FAM135A: variants seen among roughly 807,000 people sequenced by gnomAD.
FAM135A encodes family with sequence similarity 135 member A, also known as protein FAM135A.
Under a neutral mutation model 146.8 loss-of-function variants are expected in FAM135A, and 79 were observed. The observed-to-expected ratio is 0.54, with a 90% confidence interval of 0.45 to 0.65. The LOEUF is 0.65. Among genes scored for constraint, FAM135A ranks in the 30% least tolerant of loss-of-function variants. The probability of loss-of-function intolerance (pLI) is 0.00; values close to 1 mark genes in which losing one functional copy is unlikely to be tolerated. For synonymous variants in FAM135A, 562 were observed against 603.6 expected, an observed-to-expected ratio of 0.93 and a Z score of 1.01; for missense variants, 1,623 against 1,758.2, an observed-to-expected ratio of 0.92 and a Z score of 1.38.
At chr6:70,452,749 CCTT>C (rs1164431594) in intron 5 of FAM135A, among the ~76,000 whole-genome samples, 178 bp downstream of exon 5, 1 of 152,072 alleles carries the variant, frequency 6.6e-6, no homozygotes, top group African/African-American at 2.4e-5. Flanking sequence ...TACTCTGTCT[CCTT>C]CTTAGATTTC....
intron 8 of FAM135A, 107 bp from the exon 9 acceptor site, chr6:70,480,794 T>G (rs1269150098): frequency 1.9e-6 from 2 of 1,072,038 alleles, no homozygotes; most frequent in East Asian, 5.7e-5. Context: ...CTTATAAACT[T>G]GCAAAACCCT....
At chr6:70,463,931 A>G (rs574830417) in intron 5 of FAM135A, among the ~76,000 whole-genome samples, 1 of 152,282 alleles carries the variant, frequency 6.6e-6, no homozygotes, top group South Asian at 2.1e-4. Flanking sequence ...TTAGATTGCT[A>G]TTTGCTTTGG....
At position 70,524,927 on chromosome 6, in the gene FAM135A, T is replaced by G. The variant is rs771818846; in HGVS notation, c.1843T>G (p.Ser615Ala). 1 of 1,611,676 alleles carries G rather than the reference T, an allele frequency of 6.2e-7. No homozygotes were observed. The highest frequency in any genetic ancestry group is 8.5e-7 in the Non-Finnish European group (1 of 1,179,230). The change falls in exon 15 of 22, where the codon TCA becomes GCA. Residue 615 changes from serine to alanine, a missense_variant. This residue lies in a region of FAM135A where 1,061 missense variants were observed against 1,113.8 expected (regional missense o/e 0.95). Transcript: ENST00000418814. Reference sequence around the variant, plus strand: ...AAATCTTTGTGCAAATTTGTCCATTTCAGGTAAACTTGATATCTCCCAGGA... The same window carrying G: ...AAATCTTTGTGCAAATTTGTCCATTGCAGGTAAACTTGATATCTCCCAGGA... ...NLNLCANLSI[S>A]GKLDISQDDS... is the part of the protein sequence containing the mutation.
intron 2 of FAM135A, among the ~76,000 whole-genome samples, chr6:70,416,685 G>A (rs1365072083): frequency 6.6e-6 from 1 of 152,166 alleles, no homozygotes; most frequent in Non-Finnish European, 1.5e-5. Context: ...TAGCACTTGG[G>A]GAGGCTGAGG....
At chr6:70,529,307 A>T (rs978099546) in intron 16 of FAM135A, among the ~76,000 whole-genome samples, 3 of 152,100 alleles carry the variant, frequency 2.0e-5, no homozygotes, top group Non-Finnish European at 4.4e-5. Flanking sequence ...GAAGATGCCA[A>T]ATATCTCTAG....
chr6:70,453,704 G>A (rs1167027010), intron 5 of FAM135A, among the ~76,000 whole-genome samples: 2 of 152,048 alleles, frequency 1.3e-5, no homozygotes, highest in Non-Finnish European at 2.9e-5. Context: ...TGAGAATGAT[G>A]GTTTCCAGCT....
chr6:70,559,813 C>G lies in FAM135A; in HGVS notation c.4440C>G (p.Pro1480=). Residue 1480 remains proline (P), a synonymous_variant, in exon 22 of 22, where the codon CCC becomes CCG. Coordinates refer to ENST00000418814, the MANE Select transcript of FAM135A (RefSeq NM_001162529.3). ...GCTATAATGTCATCAATGCATTGCC[C>G]AATACAGCTGATTCACTCATTGGGA... The part of the protein sequence containing the change: ...LVRYNVINAL[P]NTADSLIGRA... 1 of 1,614,076 alleles carries G rather than the reference C, an allele frequency of 6.2e-7. No homozygotes were observed.
At chr6:70,467,054 C>G (rs530276117) in intron 5 of FAM135A, among the ~76,000 whole-genome samples, 18 of 152,206 alleles carry the variant, frequency 1.2e-4, no homozygotes, top group Non-Finnish European at 2.1e-4. Context: ...TTGGTTTATT[C>G]TCTCAGTTTC....
intron 11 of FAM135A, among the ~76,000 whole-genome samples, chr6:70,494,619 T>G (rs900568125): frequency 3.3e-5 from 5 of 152,036 alleles, no homozygotes; most frequent in African/African-American, 1.2e-4. Context: ...ATTATATTAT[T>G]ATTTATTTTG....
intron 12 of FAM135A, among the ~76,000 whole-genome samples, chr6:70,506,300 T>C (rs1360305771): frequency 2.0e-5 from 3 of 152,192 alleles, no homozygotes; most frequent in Non-Finnish European, 2.9e-5. Context: ...CAAAGTTTTC[T>C]TGAAAAGTAT....
chr6:70,477,905 C>A (rs1295116758), intron 8 of FAM135A, among the ~76,000 whole-genome samples: 2 of 152,124 alleles, frequency 1.3e-5, no homozygotes, highest in Non-Finnish European at 2.9e-5. Flanking sequence ...CCATCTTTGT[C>A]AATCCCAAAT....
intron 5 of FAM135A, among the ~76,000 whole-genome samples, chr6:70,457,644 T>A (rs1247192175): frequency 6.6e-6 from 1 of 152,210 alleles, no homozygotes; most frequent in Non-Finnish European, 1.5e-5. Context: ...CAACCCTATT[T>A]GAACCAAGTT....
At position 70,556,874 on chromosome 6, in the gene FAM135A, A is replaced by C; in HGVS notation, c.4342+11A>C. ...AGGACAAACAGTCAGGTAATGGAATAAAATTATTTCAAAGAGTTATAGGTA... is the reference window on the plus strand; with the variant it reads ...AGGACAAACAGTCAGGTAATGGAATCAAATTATTTCAAAGAGTTATAGGTA... On this transcript the variant is annotated intron_variant, in intron 21 of 21. Coordinates refer to ENST00000418814, the MANE Select transcript of FAM135A (RefSeq NM_001162529.3). 1 of 1,608,972 alleles carries C rather than the reference A, an allele frequency of 6.2e-7. No individual in the cohort carries two copies. The highest frequency in any genetic ancestry group is 8.5e-7 in the Non-Finnish European group (1 of 1,176,726).
rs1335140757 is a variant in FAM135A at position 70,475,664 on chromosome 6, T to C, written c.299T>C (p.Ile100Thr). The C allele has an allele frequency of 6.2e-7, 1 of 1,608,424 alleles. No individual in the cohort carries two copies. The highest frequency in any genetic ancestry group is 8.5e-7 in the Non-Finnish European group (1 of 1,177,716). Residue 100 changes from isoleucine (I) to threonine (T), a missense_variant and splice_region_variant, in exon 7 of 22, where the codon ATT becomes ACT. Coordinates refer to ENST00000418814, the MANE Select transcript of FAM135A (RefSeq NM_001162529.3). ...KVKMLLDERK[I>T]EETLEEMNFL... ...TCTCATAGTGTAATTTCTTTTCAGA[T>C]TGAAGAAACCCTTGAGGAAATGAAT...
At chr6:70,530,919 G>A (rs1320352767) in intron 16 of FAM135A, among the ~76,000 whole-genome samples, 1 of 152,174 alleles carries the variant, frequency 6.6e-6, no homozygotes, top group Non-Finnish European at 1.5e-5. Context: ...TGGGAATTTA[G>A]TCATGTCAGT....
At chr6:70,430,550 C>T (rs1771348089) in intron 4 of FAM135A, among the ~76,000 whole-genome samples, 1 of 152,176 alleles carries the variant, frequency 6.6e-6, no homozygotes, top group Admixed American at 6.5e-5. Flanking sequence ...CCCACAGCCA[C>T]AGTTGTTTTT....
At chr6:70,470,214 A>G (rs1316860036) in intron 5 of FAM135A, among the ~76,000 whole-genome samples, 1 of 152,202 alleles carries the variant, frequency 6.6e-6, no homozygotes, top group Non-Finnish European at 1.5e-5. Context: ...CTGTGTAAAA[A>G]TTTATCCCAC....
chr6:70,537,956 C>T (rs564876880), intron 19 of FAM135A, among the ~76,000 whole-genome samples: 1 of 147,458 alleles, frequency 6.8e-6, no homozygotes, highest in East Asian at 1.9e-4. Context: ...TGAAGTTTTT[C>T]TTCATCTTCT....
At chr6:70,492,205 A>G (rs1786149730) in intron 11 of FAM135A, among the ~76,000 whole-genome samples, 1 of 151,886 alleles carries the variant, frequency 6.6e-6, no homozygotes, top group Non-Finnish European at 1.5e-5. Flanking sequence ...GACAAGTCAG[A>G]GGAATTAAAC....
Sources: allele counts gnomAD v4.1 joint callset (sites outside exome capture counted in the v4.1 genomes callset), GRCh38; gene constraint gnomAD v4.1.1; regional missense constraint gnomAD v4.1.1; transcripts MANE v1.5; gene names NCBI Gene and HGNC (gene_info 2026-07-23, HGNC 2026-07-21).